ZNF251: variants seen among roughly 807,000 people sequenced by gnomAD.
ZNF251 encodes zinc finger protein 251.
A neutral mutation model predicts 13.5 loss-of-function variants in ZNF251; 14 were observed. The ratio of observed to expected loss-of-function variants is 1.04; its 90% CI spans 0.69 to 1.63. ZNF251 has a LOEUF of 1.63. Among genes scored for constraint, ZNF251 ranks in the 40% most tolerant of loss-of-function variants. The probability of loss-of-function intolerance (pLI) is 0.00; values close to 1 mark genes in which losing one functional copy is unlikely to be tolerated. For missense variants in ZNF251, 764 were observed against 834.9 expected (o/e 0.92, Z 1.05); for synonymous variants, 287 against 295.2 (o/e 0.97, Z 0.28).
At chr8:144,755,237 A>T in intron 1 of ZNF251, 168 bp downstream of exon 1, 1 of 1,185,976 alleles carries the variant, frequency 8.4e-7, no homozygotes, top group Non-Finnish European at 1.1e-6. Context: ...CCAGCCTTCT[A>T]GGGCCGCGCC....
intron 4 of ZNF251, among the ~76,000 whole-genome samples, chr8:144,751,145 G>A (rs1024887289): frequency 6.6e-6 from 1 of 151,960 alleles, no homozygotes; most frequent in Non-Finnish European, 1.5e-5. Flanking sequence ...CACCGCACCC[G>A]GCCATACCTC....
Position 144,721,695 on chromosome 8 carries a change from A to G in ZNF251, c.1965T>C (p.Ser655=), listed in dbSNP as rs759068215. ...TCTTGATATGAATAAAGTATCTTTTAGAGCCATCATTTAAAGCAGGTTTCT... is the reference window on the plus strand; with the variant it reads ...TCTTGATATGAATAAAGTATCTTTTGGAGCCATCATTTAAAGCAGGTTTCT... ...VGEKPALNDG[S]KRYFIHIKKI... The change falls in exon 5 of 5, where the codon TCT becomes TCC. Residue 655 remains serine (S), a synonymous_variant. Transcript: ENST00000292562. 2 of 1,374,394 alleles carry G rather than the reference A, an allele frequency of 1.5e-6. No individual in the cohort carries two copies. Among genetic ancestry groups the G allele is most frequent in the Non-Finnish European group, 1.9e-6 (2 of 1,055,780 alleles). 85.1% of individuals were successfully genotyped at this position (1,374,394 alleles called of 1,614,324 possible).
At chr8:144,724,668 A>G (rs1823468316) in intron 4 of ZNF251, among the ~76,000 whole-genome samples, 1 of 152,222 alleles carries the variant, frequency 6.6e-6, no homozygotes, top group Non-Finnish European at 1.5e-5. Context: ...GAAACAAGGA[A>G]GAACCCAAAT....
At chr8:144,755,153 G>A (rs1003714863) in intron 1 of ZNF251, 116 of 1,187,750 alleles carry the variant, frequency 9.8e-5, no homozygotes, top group Non-Finnish European at 1.1e-4. Flanking sequence ...GAGGACGTGA[G>A]AAGGAGGCCG....
chr8:144,740,736 C>G (rs1241177870), intron 4 of ZNF251, among the ~76,000 whole-genome samples: 1 of 151,920 alleles, frequency 6.6e-6, no homozygotes, highest in African/African-American at 2.4e-5. Context: ...GAATTCGAGA[C>G]CAGCCTGACC....
In ZNF251 at chr8:144,750,964, C is replaced by T. The variant is rs180937398; in HGVS notation, c.277+2719G>A. Among the ~76,000 whole-genome samples the T allele has an allele frequency of 2.1e-3, 323 of 151,954 alleles. 2 individuals are homozygous for T. The highest frequency in any genetic ancestry group is 0.014 in the Middle Eastern group (4 of 294). ...TCCTGAGTTTCAGCGATTCTCCTGC[C>T]TCAGCCTCCCGAGTAGCTGGGATTA... On this transcript the variant is annotated intron_variant, in intron 4 of 4. Transcript: ENST00000292562.
intron 4 of ZNF251, among the ~76,000 whole-genome samples, chr8:144,726,325 G>A (rs1046737446): frequency 1.3e-5 from 2 of 151,484 alleles, no homozygotes; most frequent in African/African-American, 4.9e-5. Context: ...CTTGAGGCTA[G>A]GAGTTCAAGA....
chr8:144,732,474 C>T (rs1230142390), intron 4 of ZNF251, among the ~76,000 whole-genome samples: 1 of 152,124 alleles, frequency 6.6e-6, no homozygotes, highest in Non-Finnish European at 1.5e-5. Context: ...AAAACCTATG[C>T]ACGATTGACA....
At chr8:144,748,766 T>G (rs998815989) in intron 4 of ZNF251, among the ~76,000 whole-genome samples, 1 of 152,126 alleles carries the variant, frequency 6.6e-6, no homozygotes, top group East Asian at 1.9e-4. Flanking sequence ...TCTCACTATG[T>G]TGTTTAGGCT....
At position 144,734,477 on chromosome 8, in the gene ZNF251, T is replaced by C. The variant is rs1823818894; in HGVS notation, c.278-11095A>G. Among the ~76,000 whole-genome samples, 1 of 152,160 alleles carries C rather than the reference T, an allele frequency of 6.6e-6. No individual in the cohort carries two copies. Among genetic ancestry groups the C allele is most frequent in the Non-Finnish European group, 1.5e-5 (1 of 68,022 alleles). ...CCTCCACCTGGCTCTGAGATGAGTG[T>C]AAGGCTCACAGCAACGGCATGAACT... On this transcript the variant is annotated intron_variant, in intron 4 of 4. Transcript: ENST00000292562. This position sits in a 1 kb window ranked among gnomAD's most constrained non-coding sequence, Gnocchi z 4.4.
intron 4 of ZNF251, chr8:144,730,154 G>A (rs1823651305): frequency 1.0e-6 from 1 of 976,638 alleles, no homozygotes. Flanking sequence ...ACAGGGAAGT[G>A]GAGAGCCATG....
In ZNF251 at chr8:144,722,320, G is replaced by A. The variant is rs752293893; in HGVS notation, c.1340C>T (p.Thr447Ile). Residue 447 changes from threonine to isoleucine, a missense_variant, in exon 5 of 5, where the codon ACT (threonine) becomes ATT (isoleucine). By Grantham distance (89) the Thr-to-Ile change is moderately conservative (BLOSUM62 -1). Coordinates refer to ENST00000292562, the MANE Select transcript of ZNF251 (RefSeq NM_138367.2). This position sits in a 1 kb window ranked among gnomAD's most constrained non-coding sequence, Gnocchi z 4.8. ...GTGAACTCTTCGATGCTGAACAAGA[G>A]TGGAACTCCGACGAAAGGCTTTGCC... Reference protein sequence around the residue: ...ECGKAFRRSSTLVQHRRVHTG... With the variant: ...ECGKAFRRSSILVQHRRVHTG... 9 of 1,613,548 alleles carry A rather than the reference G, an allele frequency of 5.6e-6. No individual in the cohort carries two copies. Among genetic ancestry groups the A allele is most frequent in the South Asian group, 1.1e-5 (1 of 91,070 alleles).
chr8:144,736,141 C>T (rs757980807), intron 4 of ZNF251, among the ~76,000 whole-genome samples: 6 of 152,206 alleles, frequency 3.9e-5, no homozygotes, highest in Non-Finnish European at 7.3e-5. Context: ...CCTGGGCTCA[C>T]GCAGCCGCAT....
intron 4 of ZNF251, among the ~76,000 whole-genome samples, chr8:144,732,685 A>C (rs1024372703): frequency 6.6e-6 from 1 of 151,980 alleles, no homozygotes; most frequent in East Asian, 1.9e-4. Flanking sequence ...GGTGGCAGGC[A>C]CTTATAGTCC....
At chr8:144,741,907 G>A (rs1824181923) in intron 4 of ZNF251, among the ~76,000 whole-genome samples, 1 of 152,172 alleles carries the variant, frequency 6.6e-6, no homozygotes, top group Non-Finnish European at 1.5e-5. Context: ...ACCAGAGAGA[G>A]AATGGTACAG....
At position 144,723,211 on chromosome 8, in the gene ZNF251, G is replaced by C. The variant is rs1823421676; in HGVS notation, c.449C>G (p.Ser150Cys). 1 of 1,612,974 alleles carries C rather than the reference G, an allele frequency of 6.2e-7. No homozygotes were observed. The highest frequency in any genetic ancestry group is 1.3e-5 in the African/African-American group (1 of 74,838). Residue 150 changes from serine (S) to cysteine (C), a missense_variant, in exon 5 of 5, where the codon TCT becomes TGT. Transcript: ENST00000292562. ...EGKLKERVGN[S>C]AGQSLNKPNI... ...GGGTTTGTTCAAACTCTGCCCGGCA[G>C]AATTTCCCACGCGCTCTTTGAGTTT...
intron 4 of ZNF251, among the ~76,000 whole-genome samples, chr8:144,732,122 T>C (rs1190756196): frequency 6.6e-6 from 1 of 151,412 alleles, no homozygotes; most frequent in East Asian, 2.0e-4. Context: ...TTTTTATTTT[T>C]TTGTAAAGAC....
At chr8:144,733,587 G>A (rs918711273) in intron 4 of ZNF251, among the ~76,000 whole-genome samples, 3 of 152,164 alleles carry the variant, frequency 2.0e-5, no homozygotes, top group African/African-American at 2.4e-5. Context: ...TAATGGAGCA[G>A]GAGCCCTCCT....
chr8:144,749,511 G>A (rs1391013001), intron 4 of ZNF251, among the ~76,000 whole-genome samples: 1 of 152,086 alleles, frequency 6.6e-6, no homozygotes, highest in East Asian at 1.9e-4. Flanking sequence ...ATTTAAAAAG[G>A]TGATTACTGA....
Sources: gnomAD v4.1 joint callset for allele counts (sites outside exome capture counted in the v4.1 genomes callset) on GRCh38, gnomAD v4.1.1 for gene constraint, Gnocchi (gnomAD v3.1) non-coding constraint, MANE v1.5 for transcripts, NCBI Gene and HGNC (gene_info 2026-07-23, HGNC 2026-07-21) for gene names.